The following STAP2 variants were observed in gnomAD, a reference collection of about 807,000 sequenced individuals.
The protein encoded by STAP2 is signal transducing adaptor family member 2, also known as signal-transducing adaptor protein 2.
A neutral mutation model predicts 52.7 loss-of-function variants in STAP2; 58 were observed. The observed-to-expected ratio is 1.10, with a 90% CI of 0.89 to 1.37. STAP2 has a LOEUF of 1.37. STAP2 is among the 40% of genes most tolerant of loss of function. The probability of loss-of-function intolerance (pLI) is 0.00; values close to 1 mark genes in which losing one functional copy is unlikely to be tolerated. For synonymous variants in STAP2, 231 were observed against 210.5 expected (o/e 1.10, Z -0.84); for missense variants, 522 against 519.4 (o/e 1.00, Z -0.05).
chr19:4,327,408 A>G, intron 6 of STAP2, 23 bp from the exon 7 acceptor site: 2 of 1,613,706 alleles, frequency 1.2e-6, no homozygotes, highest in South Asian at 2.2e-5. Context: ...AAAGCGAGTG[A>G]GTGGCTCAGC....
At chr19:4,331,887 G>C in intron 4 of STAP2, 135 bp downstream of exon 4, 3 of 787,086 alleles carry the variant, frequency 3.8e-6, no homozygotes, top group Non-Finnish European at 5.9e-6. Context: ...AGCCGAGATC[G>C]CACCACTGCA....
chr19:4,332,585 G>A (rs1346955478), intron 3 of STAP2, among the ~76,000 whole-genome samples: 1 of 151,800 alleles, frequency 6.6e-6, no homozygotes, highest in African/African-American at 2.4e-5. Context: ...ACTCACGCCT[G>A]TAATCCCAGC....
At position 4,332,015 on chromosome 19, in the gene STAP2, C is replaced by A. The variant is rs369674311; in HGVS notation, c.354+7G>T. 7.4e-6 allele frequency: 12 copies of A among 1,612,524 alleles called. No homozygotes were observed. The highest frequency in any genetic ancestry group is 1.0e-5 in the Non-Finnish European group (12 of 1,179,386). ...GGAGAGAGGGCGCAGAGAGCCACTA[C>A]TCTTACCTCCACCACCGTTAAGATG... On this transcript the variant is annotated splice_region_variant and intron_variant, in intron 4 of 12. Coordinates refer to ENST00000594605, the MANE Select transcript of STAP2 (RefSeq NM_001013841.2).
At chr19:4,326,900 C>T (rs1971800380) in intron 9 of STAP2, 42 bp downstream of exon 9, 1 of 1,548,834 alleles carries the variant, frequency 6.5e-7, no homozygotes, top group Non-Finnish European at 8.7e-7. Context: ...AATGCGGGGT[C>T]CTCGATCCCT....
intron 5 of STAP2, 142 bp from the exon 6 acceptor site, chr19:4,328,951 C>A: frequency 8.3e-7 from 1 of 1,211,430 alleles, no homozygotes; most frequent in Non-Finnish European, 1.1e-6. Context: ...GACCCAGGCC[C>A]CTCCCACGGA....
At chr19:4,332,277 A>G (rs1971906567) in intron 3 of STAP2, among the ~76,000 whole-genome samples, 199 bp from the exon 4 acceptor site, 1 of 132,546 alleles carries the variant, frequency 7.5e-6, no homozygotes, top group Non-Finnish European at 1.5e-5. Flanking sequence ...GCGCGATCTC[A>G]GCTCACTGCA....
In STAP2 at chr19:4,328,680, G is replaced by A; in HGVS notation, c.585C>T (p.His195=). 1.3e-6 allele frequency: 2 copies of A among 1,576,208 alleles called. No homozygotes were observed. Among genetic ancestry groups the A allele is most frequent in the Non-Finnish European group, 1.7e-6 (2 of 1,159,498 alleles). Residue 195 remains histidine (H), a synonymous_variant, in exon 6 of 13, where the codon CAC becomes CAT. Transcript: ENST00000594605. ...CTCCAGACGCGCATGCGCACCCGTT[G>A]TGCATCTGCCGCGTGGTGACCGACA... is the stretch of plus-strand genomic sequence containing the variant. ...DGVSVTTRQM[H]NGTHVVRHYK...
chr19:4,324,112 C>T lies in STAP2; in HGVS notation c.*21G>A. The T allele has an allele frequency of 1.9e-6, 3 of 1,551,224 alleles. No individual in the cohort carries two copies. The highest frequency in any genetic ancestry group is 2.6e-6 in the Non-Finnish European group (3 of 1,146,794). ...TGGGCCATGCCCTGGGACTAGCCCG[C>T]TGGTCCCTGGTGTGTCCGAATCAGT... On this transcript the variant is annotated 3_prime_UTR_variant, in exon 13 of 13. Transcript: ENST00000594605.
At chr19:4,336,336 TGAGA>T (rs1971979954) in intron 1 of STAP2, among the ~76,000 whole-genome samples, 1 of 143,484 alleles carries the variant, frequency 7.0e-6, no homozygotes. Context: ...TTTTTTTTTT[TGAGA>T]CAGAGTCTCA....
chr19:4,338,396 G>A (rs1972013240), intron 1 of STAP2: 2 of 332,802 alleles, frequency 6.0e-6, no homozygotes. Flanking sequence ...GGGAGACTGA[G>A]ACAGACATCG....
At chr19:4,327,627 C>A (rs1263996842) in intron 6 of STAP2, among the ~76,000 whole-genome samples, 1 of 152,060 alleles carries the variant, frequency 6.6e-6, no homozygotes, top group African/African-American at 2.4e-5. Context: ...GCCCGACCGA[C>A]CCACCCCCAC....
In STAP2 at chr19:4,332,081, G is replaced by A. The variant is rs781362798; in HGVS notation, c.298-3C>T. The A allele has an allele frequency of 6.2e-7, 1 of 1,608,990 alleles. No individual in the cohort carries two copies. Among genetic ancestry groups the A allele is most frequent in the East Asian group, 2.2e-5 (1 of 44,746 alleles). On this transcript the variant is annotated splice_polypyrimidine_tract_variant and splice_region_variant and intron_variant, in intron 3 of 12. Coordinates refer to ENST00000594605, the MANE Select transcript of STAP2 (RefSeq NM_001013841.2). Reference sequence around the variant, plus strand: ...TCCCGACACTCCAAGGTCTCTACCTGGGGAACAAAAGAAAGGAAAGAATCC... The same window carrying A: ...TCCCGACACTCCAAGGTCTCTACCTAGGGAACAAAAGAAAGGAAAGAATCC...
At chr19:4,328,163 C>T (rs1193762714) in intron 6 of STAP2, 1 of 193,364 alleles carries the variant, frequency 5.2e-6, no homozygotes, top group African/African-American at 2.4e-5. Flanking sequence ...CTACCTTCTT[C>T]CCTAGGCATT....
chr19:4,328,674 C>T lies in STAP2; in HGVS notation c.590+1G>A. The T allele has an allele frequency of 1.9e-6, 3 of 1,596,312 alleles. No individual in the cohort carries two copies. The highest frequency in any genetic ancestry group is 2.6e-6 in the Non-Finnish European group (3 of 1,172,150). On this transcript the variant is annotated splice_donor_variant, in intron 6 of 12. Transcript: ENST00000594605. LOFTEE classifies it high-confidence loss of function. ...AGGGCTCTCCAGACGCGCATGCGCACCCGTTGTGCATCTGCCGCGTGGTGA... is the reference window on the plus strand; with the variant it reads ...AGGGCTCTCCAGACGCGCATGCGCATCCGTTGTGCATCTGCCGCGTGGTGA...
At chr19:4,330,244 G>C (rs1281030082) in intron 4 of STAP2, among the ~76,000 whole-genome samples, 183 bp from the exon 5 acceptor site, 2 of 152,168 alleles carry the variant, frequency 1.3e-5, no homozygotes, top group Non-Finnish European at 2.9e-5. Flanking sequence ...GCTGGGGCCG[G>C]GCGCGGTGGC....
chr19:4,326,281 A>G (rs1971791629), intron 9 of STAP2, among the ~76,000 whole-genome samples: 1 of 152,214 alleles, frequency 6.6e-6, no homozygotes, highest in African/African-American at 2.4e-5. Context: ...GTATTTATGC[A>G]TGTGTGATCT....
At position 4,328,691 on chromosome 19, in the gene STAP2, G is replaced by A. The variant is rs374133261; in HGVS notation, c.574C>T (p.Arg192Trp). ...DGADGVSVTTRQMHNGTHVVR... is the reference protein window; with the variant it reads ...DGADGVSVTTWQMHNGTHVVR... ...CATGCGCACCCGTTGTGCATCTGCC[G>A]CGTGGTGACCGACACGCCGTCGGCG... The change falls in exon 6 of 13, where the codon CGG becomes TGG. Residue 192 changes from arginine to tryptophan, a missense_variant. Physicochemically the swap from Arg to Trp is moderately radical, Grantham distance 101. Transcript: ENST00000594605. 6.5e-5 allele frequency: 95 copies of A among 1,467,476 alleles called. No homozygotes were observed. In the East Asian group the frequency reaches 2.0e-3, roughly 31 times the overall value. 90.9% of individuals were successfully genotyped at this position (1,467,476 alleles called of 1,614,324 possible).
At chr19:4,328,594 C>A in intron 6 of STAP2, 81 bp downstream of exon 6, 1 of 1,521,062 alleles carries the variant, frequency 6.6e-7, no homozygotes, top group Non-Finnish European at 8.8e-7. Flanking sequence ...TCGGACTCCG[C>A]CCCTGCTTCT....
At chr19:4,331,530 T>A (rs917577985) in intron 4 of STAP2, among the ~76,000 whole-genome samples, 1 of 151,840 alleles carries the variant, frequency 6.6e-6, no homozygotes, top group Non-Finnish European at 1.5e-5. Context: ...CTCGGGAGGC[T>A]GAGTCACAAG....
Sources: gnomAD v4.1 joint callset for allele counts (sites outside exome capture counted in the v4.1 genomes callset) on GRCh38, gnomAD v4.1.1 for gene constraint, MANE v1.5 for transcripts, NCBI Gene and HGNC (gene_info 2026-07-23, HGNC 2026-07-21) for gene names.